The following BZW1 variants were observed in gnomAD, a reference collection of about 807,000 sequenced individuals.
The protein encoded by BZW1 is eIF5-mimic protein 2.
Under a neutral mutation model 54.1 loss-of-function variants are expected in BZW1, and 3 were observed. The observed-to-expected ratio is 0.06, with a 90% CI of 0.03 to 0.14. The LOEUF (loss-of-function observed/expected upper bound fraction) is 0.14, where lower values mean the gene tolerates loss of function less well. Ranked by LOEUF, BZW1 falls within the 10% of genes least tolerant of loss-of-function variation. The pLI, the probability that BZW1 is intolerant of heterozygous loss-of-function variation, is 1.00. For synonymous variants in BZW1, 152 were observed against 162.7 expected, an observed-to-expected ratio of 0.93 and a Z score of 0.50; for missense variants, 206 against 491.7, an observed-to-expected ratio of 0.42 and a Z score of 5.50.
chr2:200,819,878 T>G, intron 9 of BZW1, 104 bp from the exon 10 acceptor site: 1 of 1,067,558 alleles, frequency 9.4e-7, no homozygotes, highest in Non-Finnish European at 1.2e-6. Flanking sequence ...TTTGCAGTGA[T>G]TATAAAAGAT....
intron 2 of BZW1, among the ~76,000 whole-genome samples, chr2:200,814,332 G>C (rs1264948429): frequency 6.6e-6 from 1 of 152,186 alleles, no homozygotes; most frequent in Non-Finnish European, 1.5e-5. Flanking sequence ...GCTGTTGATG[G>C]TTAGGGTACT....
At chr2:200,813,386 T>TA (rs1294300687) in intron 2 of BZW1, 105 bp downstream of exon 2, 4 of 1,008,736 alleles carry the variant, frequency 4.0e-6, no homozygotes, top group Non-Finnish European at 5.8e-6. Flanking sequence ...CAAAAGAAGA[T>TA]ACCAGAAAGA....
chr2:200,826,406 T>TAGATAGATAGATA lies in BZW1; in HGVS notation c.*4229_*4230insGATAGATAGATAA, dbSNP rs1213367033. 2 of 68,062 alleles carry TAGATAGATAGATA rather than the reference T, an allele frequency of 2.9e-5. No individual in the cohort carries two copies. Among genetic ancestry groups the TAGATAGATAGATA allele is most frequent in the African/African-American group, 6.9e-5 (1 of 14,492 alleles). The allele number at this position is 68,062 out of a possible 1,614,324, so 4.2% of individuals were successfully genotyped here. A position where few individuals can be genotyped will look rare whatever the true frequency, so the allele number is the denominator to read the frequency against. Reference sequence around the variant, plus strand: ...ATAGATAGATAGATAGATAGATAGATATTTTTTTTTTTTTTTTTTTTTTTT... The same window carrying TAGATAGATAGATA: ...ATAGATAGATAGATAGATAGATAGATAGATAGATAGATAATTTTTTTTTTTTTTTTTTTTTTTT... On this transcript the variant is annotated 3_prime_UTR_variant, in exon 12 of 12. Transcript: ENST00000409600.
In BZW1 at chr2:200,826,307, T is replaced by TA. The variant is rs1443158166; in HGVS notation, c.*4130dup. 1.3e-5 allele frequency: 2 copies of TA among 151,888 alleles called. No homozygotes were observed. The highest frequency in any genetic ancestry group is 4.8e-5 in the African/African-American group (2 of 41,352). The allele number at this position is 151,888 out of a possible 1,614,324, so 9.4% of individuals were successfully genotyped here. Reference sequence around the variant, plus strand: ...AATTATTTTTATTTTCCAGTGTACTTATCATCCTTTCATCTTTATGCTAGG... The same window carrying TA: ...AATTATTTTTATTTTCCAGTGTACTTAATCATCCTTTCATCTTTATGCTAGG... On this transcript the variant is annotated 3_prime_UTR_variant, in exon 12 of 12. Coordinates refer to ENST00000409600, the MANE Select transcript of BZW1 (RefSeq NM_001207067.2).
intron 1 of BZW1, chr2:200,812,913 GA>G (rs1328551526): frequency 4.5e-5 from 30 of 661,616 alleles, no homozygotes; most frequent in Non-Finnish European, 7.7e-5. Context: ...GGAATGTGGA[GA>G]AAACTGAACA....
At chr2:200,822,026 G>C in intron 11 of BZW1, 121 bp from the exon 12 acceptor site, 1 of 871,608 alleles carries the variant, frequency 1.1e-6, no homozygotes, top group South Asian at 1.5e-5. Flanking sequence ...CCAAGAGGGT[G>C]CTGCTGCATT....
Position 200,819,472 on chromosome 2 carries a change from TC to T in BZW1, c.967-503del, listed in dbSNP as rs869303865. 1.8e-4 allele frequency among the ~76,000 whole-genome samples: 28 copies of T among 152,066 alleles called. No individual in the cohort carries two copies. The East Asian group carries it at 4.8e-3, about 26-fold the overall frequency. On this transcript the variant is annotated intron_variant, in intron 9 of 11. Coordinates refer to ENST00000409600, the MANE Select transcript of BZW1 (RefSeq NM_001207067.2). ...GGGGGTATTGGAAAATAGGAATTTT[TC>T]CCCCCCTCTAAAATACTAATATTGT...
rs2038619770 is a variant in BZW1 at position 200,823,922 on chromosome 2, G to A, written c.*1744G>A. ...TGTTGTGTGTTCAGATGTCTTTACT[G>A]TATCTGTATACCATTAAGTAATAAT... On this transcript the variant is annotated 3_prime_UTR_variant, in exon 12 of 12. Transcript: ENST00000409600. 1 of 151,258 alleles carries A rather than the reference G, an allele frequency of 6.6e-6. No individual in the cohort carries two copies. The highest frequency in any genetic ancestry group is 6.6e-5 in the Admixed American group (1 of 15,188). The allele number at this position is 151,258 out of a possible 1,614,324, so 9.4% of individuals were successfully genotyped here.
In BZW1 at chr2:200,827,180, C is replaced by G. The variant is rs548532797; in HGVS notation, c.*5002C>G. 1 of 152,294 alleles carries G rather than the reference C, an allele frequency of 6.6e-6. No homozygotes were observed. The highest frequency in any genetic ancestry group is 3.4e-3 in the Middle Eastern group (1 of 294). 9.4% of individuals were successfully genotyped at this position (152,294 alleles called of 1,614,324 possible). A position where few individuals can be genotyped will look rare whatever the true frequency, so the allele number is the denominator to read the frequency against. ...GGAGAAAACTGGATAGCTGGTAACT[C>G]ATTTAGCTCTTGGCACTCTAAAAAA... On this transcript the variant is annotated 3_prime_UTR_variant, in exon 12 of 12. Transcript: ENST00000409600.
chr2:200,822,070 A>C (rs1283305794), intron 11 of BZW1, 77 bp from the exon 12 acceptor site: 10 of 1,374,666 alleles, frequency 7.3e-6, no homozygotes, highest in Non-Finnish European at 1.0e-5. Context: ...CTCTGTCTTA[A>C]AGAAGCTTCA....
At position 200,826,401 on chromosome 2, in the gene BZW1, ATAGATATTTTTTTTTTTTT is replaced by A. The variant is rs1324582192; in HGVS notation, c.*4225_*4243del. 6.1e-5 allele frequency: 4 copies of A among 65,242 alleles called. No homozygotes were observed. Among genetic ancestry groups the A allele is most frequent in the African/African-American group, 2.2e-4 (4 of 18,152 alleles). 4.0% of individuals were successfully genotyped at this position (65,242 alleles called of 1,614,324 possible). On this transcript the variant is annotated 3_prime_UTR_variant, in exon 12 of 12. Coordinates refer to ENST00000409600, the MANE Select transcript of BZW1 (RefSeq NM_001207067.2). ...GATAGATAGATAGATAGATAGATAG[ATAGATATTTTTTTTTTTTT>A]TTTTTTTTTTTTTTTTTTTTTTGAG...
At position 200,826,388 on chromosome 2, in the gene BZW1, GATAGATAGATAGATAGAT is replaced by G. The variant is rs2038690549; in HGVS notation, c.*4213_*4230del. The G allele has an allele frequency of 1.9e-5, 2 of 103,350 alleles. No individual in the cohort carries two copies. The highest frequency in any genetic ancestry group is 2.8e-4 in the East Asian group (1 of 3,596). The allele number at this position is 103,350 out of a possible 1,614,324, so 6.4% of individuals were successfully genotyped here. A position where few individuals can be genotyped will look rare whatever the true frequency, so the allele number is the denominator to read the frequency against. ...GGATGAAGATATAGATAGATAGATA[GATAGATAGATAGATAGAT>G]ATTTTTTTTTTTTTTTTTTTTTTTT... is the stretch of plus-strand genomic sequence containing the variant. On this transcript the variant is annotated 3_prime_UTR_variant, in exon 12 of 12. Coordinates refer to ENST00000409600, the MANE Select transcript of BZW1 (RefSeq NM_001207067.2).
At chr2:200,822,087 T>C in intron 11 of BZW1, 60 bp from the exon 12 acceptor site, 3 of 1,475,672 alleles carry the variant, frequency 2.0e-6, no homozygotes, top group Admixed American at 1.9e-5. Flanking sequence ...TTCAAAGTTA[T>C]AAATGGGAAC....
Position 200,823,851 on chromosome 2 carries a change from A to T in BZW1, c.*1673A>T, listed in dbSNP as rs557645844. 14 of 151,802 alleles carry T rather than the reference A, an allele frequency of 9.2e-5. No individual in the cohort carries two copies. The highest frequency in any genetic ancestry group is 3.4e-4 in the African/African-American group (14 of 41,258). 9.4% of individuals were successfully genotyped at this position (151,802 alleles called of 1,614,324 possible). A position where few individuals can be genotyped will look rare whatever the true frequency, so the allele number is the denominator to read the frequency against. Reference sequence around the variant, plus strand: ...TACTTACACTTAGGCTTTATACATCAGTCTTTTTTTTTTTAAATTCCATGT... The same window carrying T: ...TACTTACACTTAGGCTTTATACATCTGTCTTTTTTTTTTTAAATTCCATGT... On this transcript the variant is annotated 3_prime_UTR_variant, in exon 12 of 12. Transcript: ENST00000409600.
Position 200,825,220 on chromosome 2 carries a change from A to C in BZW1, c.*3042A>C, listed in dbSNP as rs929470668. On this transcript the variant is annotated 3_prime_UTR_variant, in exon 12 of 12. Coordinates refer to ENST00000409600, the MANE Select transcript of BZW1 (RefSeq NM_001207067.2). Reference sequence around the variant, plus strand: ...GCTGGGATTACAGGCGGCCACCACCACCCCTGGCTAATTTTTGTATTTTTA... The same window carrying C: ...GCTGGGATTACAGGCGGCCACCACCCCCCCTGGCTAATTTTTGTATTTTTA... The C allele has an allele frequency of 6.6e-6, 1 of 151,048 alleles. No individual in the cohort carries two copies. Among genetic ancestry groups the C allele is most frequent in the Non-Finnish European group, 1.5e-5 (1 of 67,860 alleles). The allele number at this position is 151,048 out of a possible 1,614,324, so 9.4% of individuals were successfully genotyped here. A position where few individuals can be genotyped will look rare whatever the true frequency, so the allele number is the denominator to read the frequency against.
Position 200,826,421 on chromosome 2 carries a change from T to TGATAGATAGATAGATAGA in BZW1, c.*4243_*4244insGATAGATAGATAGATAGA, listed in dbSNP as rs1348589884. Reference sequence around the variant, plus strand: ...GATAGATAGATATTTTTTTTTTTTTTTTTTTTTTTTTTTTTTTTTTTGAGA... The same window carrying TGATAGATAGATAGATAGA: ...GATAGATAGATATTTTTTTTTTTTTTGATAGATAGATAGATAGATTTTTTTTTTTTTTTTTTTTTGAGA... On this transcript the variant is annotated 3_prime_UTR_variant, in exon 12 of 12. Transcript: ENST00000409600. 0.048 allele frequency: 4,190 copies of TGATAGATAGATAGATAGA among 87,336 alleles called. 113 individuals carry two copies. Among genetic ancestry groups the TGATAGATAGATAGATAGA allele is most frequent in the East Asian group, 0.063 (149 of 2,352 alleles). 5.4% of individuals were successfully genotyped at this position (87,336 alleles called of 1,614,324 possible).
rs1326263688 is a variant in BZW1 at position 200,811,929 on chromosome 2, A to C, written c.-72A>C. 5 of 254,048 alleles carry C rather than the reference A, an allele frequency of 2.0e-5. No homozygotes were observed. Among genetic ancestry groups the C allele is most frequent in the African/African-American group, 8.9e-5 (4 of 44,868 alleles). 15.7% of individuals were successfully genotyped at this position (254,048 alleles called of 1,614,324 possible). A position where few individuals can be genotyped will look rare whatever the true frequency, so the allele number is the denominator to read the frequency against. On this transcript the variant is annotated 5_prime_UTR_variant, in exon 1 of 12. Coordinates refer to ENST00000409600, the MANE Select transcript of BZW1 (RefSeq NM_001207067.2). ...GGCGTTAGTTCCGGTCGCAGAGGAG[A>C]CACCGCCGCAGTTGCCGGTACATCG...
intron 10 of BZW1, among the ~76,000 whole-genome samples, 197 bp from the exon 11 acceptor site, chr2:200,820,986 C>G (rs542382831): frequency 6.6e-5 from 10 of 152,228 alleles, no homozygotes; most frequent in Non-Finnish European, 8.8e-5. Context: ...CTTTGAAATT[C>G]TGCACTAATC....
chr2:200,816,134 A>G lies in BZW1; in HGVS notation c.337-191A>G, dbSNP rs1345345396. On this transcript the variant is annotated intron_variant, in intron 4 of 11. Transcript: ENST00000409600. Reference sequence around the variant, plus strand: ...AATCAAGATCTCATTGGAAAGTTTCATACGTAGTTATGTTTGTGTTACTGT... The same window carrying G: ...AATCAAGATCTCATTGGAAAGTTTCGTACGTAGTTATGTTTGTGTTACTGT... Among the ~76,000 whole-genome samples the G allele has an allele frequency of 2.0e-5, 3 of 152,236 alleles. No homozygotes were observed. In the East Asian group the frequency reaches 5.8e-4, roughly 29 times the overall value.
Sources: allele counts gnomAD v4.1 joint callset (sites outside exome capture counted in the v4.1 genomes callset), GRCh38; gene constraint gnomAD v4.1.1; transcripts MANE v1.5; gene names NCBI Gene and HGNC (gene_info 2026-07-23, HGNC 2026-07-21).